The following CD8B2 variants were observed in gnomAD, a reference collection of about 807,000 sequenced individuals.
CD8B2 encodes T-cell surface glycoprotein CD8 beta-2 chain.
Under a neutral mutation model 23.7 loss-of-function variants are expected in CD8B2, and 11 were observed. That is an observed-to-expected ratio of 0.46 (90% confidence interval 0.29 to 0.77). The LOEUF (loss-of-function observed/expected upper bound fraction) is 0.77. Among genes scored for constraint, CD8B2 ranks in the 30% least tolerant of loss-of-function variants. The pLI is 0.09. For synonymous variants in CD8B2, 90 were observed against 109.3 expected, an observed-to-expected ratio of 0.82 and a Z score of 1.10; for missense variants, 197 against 270.5, an observed-to-expected ratio of 0.73 and a Z score of 1.91.
intron 5 of CD8B2, among the ~76,000 whole-genome samples, chr2:106,527,284 G>C (rs1679919884): frequency 1.3e-5 from 2 of 152,270 alleles, no homozygotes; most frequent in Admixed American, 6.5e-5. Flanking sequence ...TTGTGAAGTG[G>C]TATCTCACTG....
At chr2:106,523,115 T>C (rs538346462) in intron 5 of CD8B2, among the ~76,000 whole-genome samples, 58 of 152,324 alleles carry the variant, frequency 3.8e-4, no homozygotes, top group African/African-American at 1.4e-3. Context: ...AGCTCAAATA[T>C]GGCAGTCTGC....
intron 5 of CD8B2, among the ~76,000 whole-genome samples, chr2:106,529,857 G>A (rs1040379189): frequency 2.0e-5 from 3 of 152,212 alleles, no homozygotes; most frequent in African/African-American, 4.8e-5. Flanking sequence ...GGCAAGCAGC[G>A]ATGAGGTTTC....
chr2:106,540,570 C>CTT (rs762740462), intron 5 of CD8B2, among the ~76,000 whole-genome samples: 15 of 146,648 alleles, frequency 1.0e-4, no homozygotes, highest in African/African-American at 1.5e-4. Flanking sequence ...CCAAATACTC[C>CTT]TTTTTTTTTT....
chr2:106,502,596 C>G (rs555967546), intron 4 of CD8B2, 33 bp downstream of exon 4: 2 of 1,217,038 alleles, frequency 1.6e-6, no homozygotes, highest in African/African-American at 3.1e-5. Flanking sequence ...GTTGGGTGTC[C>G]CTGTTTGCTG....
intron 5 of CD8B2, among the ~76,000 whole-genome samples, chr2:106,525,851 A>T (rs13387835): frequency 0.047 from 7,111 of 152,334 alleles, 214 homozygotes; most frequent in Middle Eastern, 0.12. Context: ...GCAGGGAGAT[A>T]AGATATAAGA....
intron 2 of CD8B2, among the ~76,000 whole-genome samples, chr2:106,491,735 G>T (rs1388556426): frequency 6.6e-6 from 1 of 152,058 alleles, no homozygotes; most frequent in Non-Finnish European, 1.5e-5. Flanking sequence ...TTTTAGTGGA[G>T]ACGAGATTTC....
At chr2:106,511,520 G>A (rs1403955991), downstream of CD8B2, among the ~76,000 whole-genome samples, 3 of 145,586 alleles carry the variant, frequency 2.1e-5, no homozygotes, top group Non-Finnish European at 3.0e-5. Context: ...AAAAGAAGAA[G>A]GGGGGTCCTA....
intron 2 of CD8B2, among the ~76,000 whole-genome samples, chr2:106,493,426 A>G (rs1452411307): frequency 6.6e-6 from 1 of 152,174 alleles, no homozygotes; most frequent in African/African-American, 2.4e-5. Flanking sequence ...TCTCCCCTAG[A>G]CCCAGGCGGC....
At chr2:106,511,888 C>T (rs1047074796), downstream of CD8B2, among the ~76,000 whole-genome samples, 66 of 152,310 alleles carry the variant, frequency 4.3e-4, no homozygotes, top group African/African-American at 1.4e-3. Context: ...GAAATATGCA[C>T]GACACGTGTG....
intron 5 of CD8B2, among the ~76,000 whole-genome samples, chr2:106,523,102 G>C (rs1679854397): frequency 6.6e-6 from 1 of 152,150 alleles, no homozygotes; most frequent in African/African-American, 2.4e-5. Context: ...AGCTCTCAAG[G>C]TGAGCTCAAA....
downstream of CD8B2, among the ~76,000 whole-genome samples, chr2:106,513,932 G>A (rs1276568158): frequency 6.6e-6 from 1 of 152,084 alleles, no homozygotes; most frequent in African/African-American, 2.4e-5. Context: ...AGGGAGGGAG[G>A]GTGGCTTCCA....
At chr2:106,512,508 A>G (rs1679652072), downstream of CD8B2, among the ~76,000 whole-genome samples, 1 of 152,076 alleles carries the variant, frequency 6.6e-6, no homozygotes, top group African/African-American at 2.4e-5. Flanking sequence ...TCTGTTGCCC[A>G]GGCTAGTGTG....
chr2:106,517,298 C>G (rs1198316753), intron 5 of CD8B2, among the ~76,000 whole-genome samples: 1 of 152,100 alleles, frequency 6.6e-6, no homozygotes, highest in Non-Finnish European at 1.5e-5. Context: ...GACATCCTCT[C>G]TATTCGGGAC....
At chr2:106,531,579 C>T (rs1014710866) in intron 5 of CD8B2, among the ~76,000 whole-genome samples, 1 of 152,042 alleles carries the variant, frequency 6.6e-6, no homozygotes, top group Non-Finnish European at 1.5e-5. Flanking sequence ...GTCCCTAGGG[C>T]CATGTGAGCC....
At chr2:106,519,257 A>C (rs1239370097) in intron 5 of CD8B2, among the ~76,000 whole-genome samples, 1 of 152,194 alleles carries the variant, frequency 6.6e-6, no homozygotes, top group Non-Finnish European at 1.5e-5. Context: ...GCTCAGATTT[A>C]TTCATCTCTC....
intron 5 of CD8B2, among the ~76,000 whole-genome samples, chr2:106,519,483 C>T (rs1679787523): frequency 6.6e-6 from 1 of 152,226 alleles, no homozygotes; most frequent in Non-Finnish European, 1.5e-5. Context: ...AGGGAAGCGC[C>T]TTACAGAGAA....
chr2:106,544,252 T>C (rs1680218719), exon 6 of CD8B2: 2 of 393,424 alleles, frequency 5.1e-6, no homozygotes, highest in African/African-American at 4.1e-5. Flanking sequence ...TGAATAGATT[T>C]GGAATGTGGG....
intron 3 of CD8B2, among the ~76,000 whole-genome samples, chr2:106,501,928 C>A (rs1679415861): frequency 6.6e-6 from 1 of 152,238 alleles, no homozygotes; most frequent in African/African-American, 2.4e-5. Context: ...AAATTGTCTA[C>A]TTCTTAAAAA....
intron 5 of CD8B2, among the ~76,000 whole-genome samples, chr2:106,537,246 CA>C (rs368263818): frequency 9.5e-4 from 144 of 152,256 alleles, no homozygotes; most frequent in African/African-American, 3.3e-3. Context: ...GTGTTTTAAA[CA>C]CATTTAATAA....
Sources: gnomAD v4.1 joint callset for allele counts (sites outside exome capture counted in the v4.1 genomes callset) on GRCh38, gnomAD v4.1.1 for gene constraint, MANE v1.5 for transcripts, NCBI Gene and HGNC (gene_info 2026-07-23, HGNC 2026-07-21) for gene names.